The following RAB3GAP2 variants were observed in gnomAD, a reference collection of about 807,000 sequenced individuals.
RAB3GAP2 encodes RAB3 GTPase activating non-catalytic protein subunit 2, also known as rab3 GTPase-activating protein non-catalytic subunit.
A neutral mutation model predicts 185.3 loss-of-function variants in RAB3GAP2; 87 were observed. The observed-to-expected ratio is 0.47, with a 90% CI of 0.39 to 0.56. The LOEUF (loss-of-function observed/expected upper bound fraction) is 0.56. Among genes scored for constraint, RAB3GAP2 ranks in the 20% least tolerant of loss-of-function variants. The pLI, the probability that RAB3GAP2 is intolerant of heterozygous loss-of-function variation, is 0.00. For synonymous variants in RAB3GAP2, 554 were observed against 576.1 expected (o/e 0.96, Z 0.55); for missense variants, 1,492 against 1,638.2 (o/e 0.91, Z 1.54).
chr1:220,159,449 C>A, intron 28 of RAB3GAP2, 28 bp from the exon 29 acceptor site: 2 of 1,510,696 alleles, frequency 1.3e-6, no homozygotes, highest in South Asian at 1.2e-5. Context: ...AATGTTGTAA[C>A]ATTTAATAAT....
chr1:220,195,033 T>C (rs1347596153), intron 12 of RAB3GAP2, 45 bp downstream of exon 12: 4 of 1,546,926 alleles, frequency 2.6e-6, no homozygotes, highest in Non-Finnish European at 3.6e-6. Flanking sequence ...CATTTAACAG[T>C]ACCTTTCTAA....
chr1:220,230,289 T>C (rs1005257131), intron 2 of RAB3GAP2, among the ~76,000 whole-genome samples: 1 of 152,204 alleles, frequency 6.6e-6, no homozygotes, highest in Admixed American at 6.5e-5. Flanking sequence ...GAAGGAGAAA[T>C]AATCTAAGAC....
intron 7 of RAB3GAP2, among the ~76,000 whole-genome samples, chr1:220,207,156 T>C (rs1261195529): frequency 6.6e-6 from 1 of 152,194 alleles, no homozygotes; most frequent in Non-Finnish European, 1.5e-5. Context: ...CAATAAACAT[T>C]CTTCTGTCTA....
intron 1 of RAB3GAP2, among the ~76,000 whole-genome samples, chr1:220,255,649 A>T (rs978379801): frequency 6.6e-6 from 1 of 152,232 alleles, no homozygotes; most frequent in Non-Finnish European, 1.5e-5. Context: ...AAGTATCAAT[A>T]GCAGAACAGA....
rs115907577 is a variant in RAB3GAP2, at chr1:220,177,438, G to C, written c.2311-4696C>G. 6.8e-3 allele frequency among the ~76,000 whole-genome samples: 1,034 copies of C among 152,232 alleles called. 13 individuals carry two copies. Among genetic ancestry groups the C allele is most frequent in the African/African-American group, 0.023 (965 of 41,534 alleles). On this transcript the variant is annotated intron_variant, in intron 21 of 34. Coordinates refer to ENST00000358951, the MANE Select transcript of RAB3GAP2 (RefSeq NM_012414.4). ...CTACCACAAGCATCGAGAACATTCA[G>C]GGAAACACGACCTCACCAAATGGAC...
chr1:220,185,186 C>T (rs573276163), intron 18 of RAB3GAP2, among the ~76,000 whole-genome samples: 1 of 152,136 alleles, frequency 6.6e-6, no homozygotes, highest in African/African-American at 2.4e-5. Flanking sequence ...AAGTGTAATC[C>T]TTTTTCAGAC....
chr1:220,151,274 C>G lies in RAB3GAP2; in HGVS notation c.4159G>C (p.Ala1387Pro). The change falls in exon 35 of 35, where the codon GCC (alanine) becomes CCC (proline). Residue 1387 changes from alanine to proline, a missense_variant. Ala to Pro is a conservative substitution (Grantham distance 27). Coordinates refer to ENST00000358951, the MANE Select transcript of RAB3GAP2 (RefSeq NM_012414.4). The part of the protein sequence containing the change: ...LALHLIEAVE[A>P]ISLPSL ...TGTCATAAAGAAGGAAGAGATATGG[C>G]TTCCACAGCTTCAATGAGGTGTAAG... is the stretch of plus-strand genomic sequence containing the variant. 1 of 1,614,004 alleles carries G rather than the reference C, an allele frequency of 6.2e-7. No individual in the cohort carries two copies. Among genetic ancestry groups the G allele is most frequent in the Non-Finnish European group, 8.5e-7 (1 of 1,179,974 alleles).
intron 1 of RAB3GAP2, among the ~76,000 whole-genome samples, chr1:220,234,944 T>C (rs1320102468): frequency 6.6e-6 from 1 of 152,230 alleles, no homozygotes; most frequent in Non-Finnish European, 1.5e-5. Flanking sequence ...ATTAGTTCAT[T>C]TAAACATCAC....
chr1:220,164,842 C>G (rs189003299), intron 26 of RAB3GAP2, 43 bp from the exon 27 acceptor site: 2 of 1,558,822 alleles, frequency 1.3e-6, no homozygotes, highest in Admixed American at 1.8e-5. Flanking sequence ...AAAGAGGTAT[C>G]ATTTAATAGG....
chr1:220,164,720 T>C lies in RAB3GAP2; in HGVS notation c.3154+13A>G, dbSNP rs1248395562. ...AGATCAAACAGTGATGTTTCTAACA[T>C]CTGTTTACTTACCATTTTGAACATG... On this transcript the variant is annotated intron_variant, in intron 27 of 34. Coordinates refer to ENST00000358951, the MANE Select transcript of RAB3GAP2 (RefSeq NM_012414.4). The C allele has an allele frequency of 1.9e-5, 30 of 1,599,206 alleles. No homozygotes were observed. The highest frequency in any genetic ancestry group is 2.6e-5 in the Non-Finnish European group (30 of 1,170,494).
chr1:220,214,961 T>TATATATATATATATATATATATATAA lies in RAB3GAP2; in HGVS notation c.181-983_181-982insTTATATATATATATATATATATATAT, dbSNP rs1214143846. ...AATAGTAGCATTATATATATATATA[T>TATATATATATATATATATATATATAA]ATATATATATATATACTTCTATACT... On this transcript the variant is annotated intron_variant, in intron 2 of 34. Transcript: ENST00000358951. Among the ~76,000 whole-genome samples the TATATATATATATATATATATATATAA allele has an allele frequency of 7.0e-5, 10 of 143,072 alleles. 1 individual carries two copies. Among genetic ancestry groups the TATATATATATATATATATATATATAA allele is most frequent in the African/African-American group, 2.6e-4 (10 of 39,086 alleles). 93.9% of individuals were successfully genotyped at this position (143,072 alleles called of 152,430 possible).
chr1:220,269,918 C>T (rs989502905), intron 1 of RAB3GAP2, among the ~76,000 whole-genome samples: 2 of 152,108 alleles, frequency 1.3e-5, no homozygotes, highest in African/African-American at 4.8e-5. Context: ...AAATCTGTTC[C>T]TTTTTTCTAC....
chr1:220,266,810 C>G, intron 1 of RAB3GAP2: 3 of 1,595,828 alleles, frequency 1.9e-6, no homozygotes, highest in Non-Finnish European at 2.6e-6. Flanking sequence ...TGGCCTCTGG[C>G]TGGGAACATG....
At chr1:220,245,685 C>A (rs992888232) in intron 1 of RAB3GAP2, among the ~76,000 whole-genome samples, 1 of 151,942 alleles carries the variant, frequency 6.6e-6, no homozygotes, top group Non-Finnish European at 1.5e-5. Flanking sequence ...GGAGGCCTGC[C>A]TGCCTCTGTA....
chr1:220,183,872 T>C (rs1188437267), intron 19 of RAB3GAP2, among the ~76,000 whole-genome samples, 164 bp downstream of exon 19: 6 of 152,088 alleles, frequency 3.9e-5, no homozygotes, highest in Non-Finnish European at 8.8e-5. Flanking sequence ...ATAATATAAA[T>C]ATAGCAGCAA....
At chr1:220,235,678 T>C (rs1659577719) in intron 1 of RAB3GAP2, among the ~76,000 whole-genome samples, 1 of 152,086 alleles carries the variant, frequency 6.6e-6, no homozygotes, top group Admixed American at 6.5e-5. Flanking sequence ...AAATAAACTA[T>C]AAAAAGTGTG....
At chr1:220,167,871 T>C (rs1658101092) in intron 24 of RAB3GAP2, among the ~76,000 whole-genome samples, 196 bp from the exon 25 acceptor site, 2 of 152,174 alleles carry the variant, frequency 1.3e-5, no homozygotes, top group South Asian at 4.1e-4. Flanking sequence ...AAGTGGGATA[T>C]TTACGATGTC....
chr1:220,254,969 A>G (rs773773125), intron 1 of RAB3GAP2, among the ~76,000 whole-genome samples: 108 of 111,766 alleles, frequency 9.7e-4, no homozygotes, highest in Non-Finnish European at 1.4e-3. Flanking sequence ...TTTTTTTTTT[A>G]TGGTGCTTAA....
At position 220,148,328 on chromosome 1, in the gene RAB3GAP2, G is replaced by GAAGT. The variant is rs1657660421; in HGVS notation, c.*2919_*2922dup. On this transcript the variant is annotated 3_prime_UTR_variant, in exon 35 of 35. Coordinates refer to ENST00000358951, the MANE Select transcript of RAB3GAP2 (RefSeq NM_012414.4). The stretch of plus-strand genomic sequence containing the variant: ...AAATTTATTTCACTAATATACATAA[G>GAAGT]AAGTTCACAACAATGAACAGACAGA... The GAAGT allele has an allele frequency of 7.4e-6, 1 of 135,872 alleles. No homozygotes were observed. Among genetic ancestry groups the GAAGT allele is most frequent in the South Asian group, 2.3e-4 (1 of 4,284 alleles). 8.4% of individuals were successfully genotyped at this position (135,872 alleles called of 1,614,324 possible).
Sources: allele counts gnomAD v4.1 joint callset (sites outside exome capture counted in the v4.1 genomes callset), GRCh38; gene constraint gnomAD v4.1.1; transcripts MANE v1.5; gene names NCBI Gene and HGNC (gene_info 2026-07-23, HGNC 2026-07-21).